BIN2: variants seen among roughly 807,000 people sequenced by gnomAD.
BIN2 encodes the protein breast cancer associated protein BRAP1.
Under a neutral mutation model 67.9 loss-of-function variants are expected in BIN2, and 43 were observed. The ratio of observed to expected loss-of-function variants is 0.63; its 90% CI spans 0.50 to 0.82. BIN2 has a LOEUF of 0.82. Among genes scored for constraint, BIN2 ranks in the 40% least tolerant of loss-of-function variants. BIN2 has a pLI of 0.00. For synonymous variants in BIN2, 244 were observed against 246.8 expected (o/e 0.99, Z 0.11); for missense variants, 581 against 671.6 (o/e 0.87, Z 1.49).
Position 51,291,993 on chromosome 12 carries a change from G to T in BIN2, c.1113C>A (p.Gly371=), listed in dbSNP as rs61749591. 1.2e-6 allele frequency: 2 copies of T among 1,614,180 alleles called. No individual in the cohort carries two copies. The highest frequency in any genetic ancestry group is 1.7e-6 in the Non-Finnish European group (2 of 1,180,014). Residue 371 remains glycine (G), a synonymous_variant, in exon 10 of 13, where the codon GGC becomes GGA. Coordinates refer to ENST00000615107, the MANE Select transcript of BIN2 (RefSeq NM_016293.4). ...VLPSSTTPSP[G]GALSPSGQPS... Reference sequence around the variant, plus strand: ...GCTGCCCTGAAGGGCTCAGGGCTCCGCCTGGTGATGGAGTTGTGGAGCTGG... The same window carrying T: ...GCTGCCCTGAAGGGCTCAGGGCTCCTCCTGGTGATGGAGTTGTGGAGCTGG...
intron 12 of BIN2, among the ~76,000 whole-genome samples, chr12:51,283,350 T>A (rs548993339): frequency 4.6e-5 from 7 of 152,046 alleles, no homozygotes; most frequent in African/African-American, 1.7e-4. Context: ...GGAAGAGGCG[T>A]TGTTATTACC....
intron 11 of BIN2, among the ~76,000 whole-genome samples, chr12:51,285,820 A>C (rs4761991): frequency 0.91 from 137,700 of 151,566 alleles, 64,022 homozygotes; most frequent in East Asian, 1. Flanking sequence ...CTATGTTAGC[A>C]AGGCTGGTCT....
At chr12:51,284,287 G>A (rs2137334122) in intron 12 of BIN2, among the ~76,000 whole-genome samples, 1 of 152,258 alleles carries the variant, frequency 6.6e-6, no homozygotes, top group African/African-American at 2.4e-5. Flanking sequence ...AAAGTAACAT[G>A]CTGTATAGGT....
intron 5 of BIN2, among the ~76,000 whole-genome samples, chr12:51,300,729 A>G (rs1017652316): frequency 4.6e-5 from 7 of 152,226 alleles, no homozygotes; most frequent in Non-Finnish European, 7.3e-5. Flanking sequence ...CCAATTTCCC[A>G]TACAATACCA....
chr12:51,294,412 C>T (rs1183714342), intron 9 of BIN2, among the ~76,000 whole-genome samples: 4 of 151,856 alleles, frequency 2.6e-5, no homozygotes, highest in Non-Finnish European at 4.4e-5. Flanking sequence ...ACTAAAAATA[C>T]AAAAATTAGC....
At chr12:51,283,781 G>A (rs1022624597) in intron 12 of BIN2, among the ~76,000 whole-genome samples, 1 of 152,124 alleles carries the variant, frequency 6.6e-6, no homozygotes, top group African/African-American at 2.4e-5. Flanking sequence ...CATCATCTGA[G>A]GTCGGGAGTT....
At chr12:51,308,949 T>C (rs1237927960) in intron 2 of BIN2, among the ~76,000 whole-genome samples, 1 of 151,724 alleles carries the variant, frequency 6.6e-6, no homozygotes, top group Non-Finnish European at 1.5e-5. Context: ...TGAAACCCCG[T>C]CTCTACTAAA....
At chr12:51,305,871 T>C (rs1291466622) in intron 2 of BIN2, among the ~76,000 whole-genome samples, 1 of 136,896 alleles carries the variant, frequency 7.3e-6, no homozygotes, top group Non-Finnish European at 1.6e-5. Context: ...TCTCGCTCTG[T>C]CGCCCAGGCT....
intron 2 of BIN2, among the ~76,000 whole-genome samples, chr12:51,307,246 G>A (rs1304414116): frequency 6.9e-6 from 1 of 144,004 alleles, no homozygotes; most frequent in Non-Finnish European, 1.5e-5. Context: ...TCGCGACACC[G>A]TACTCTAGCC....
rs1945119064 is a variant in BIN2, at chr12:51,281,496, T to C, written c.*3A>G. 1 of 1,614,064 alleles carries C rather than the reference T, an allele frequency of 6.2e-7. No homozygotes were observed. The highest frequency in any genetic ancestry group is 2.2e-5 in the East Asian group (1 of 44,882). ...GGGCAGGAGGAGTCTTGGTAGTTTC[T>C]CTTCAGAGTTGTGGATTTTCACTTG... On this transcript the variant is annotated 3_prime_UTR_variant, in exon 13 of 13. Coordinates refer to ENST00000615107, the MANE Select transcript of BIN2 (RefSeq NM_016293.4).
Position 51,288,180 on chromosome 12 carries a change from T to A in BIN2, c.1524A>T (p.Ser508=), listed in dbSNP as rs1945289742. The A allele has an allele frequency of 6.2e-7, 1 of 1,613,800 alleles. No individual in the cohort carries two copies. Among genetic ancestry groups the A allele is most frequent in the South Asian group, 1.1e-5 (1 of 91,060 alleles). ...CCATCTTCTTTGCCTCTCCAGGCTC[T>A]GAAGCAACCTGTGAATCAAAGTGAA... is the stretch of plus-strand genomic sequence containing the variant. ...SPTLMTSQVA[S]EPGEAKKMED... is the part of the protein sequence containing the mutation. Residue 508 remains serine (S), a synonymous_variant, in exon 11 of 13, where the codon TCA becomes TCT. Transcript: ENST00000615107.
chr12:51,306,847 A>G (rs1432064329), intron 2 of BIN2, among the ~76,000 whole-genome samples: 1 of 152,222 alleles, frequency 6.6e-6, no homozygotes, highest in Non-Finnish European at 1.5e-5. Flanking sequence ...CATTTATAGA[A>G]AAAAGCTTAG....
rs1945400388 is a variant in BIN2, at chr12:51,292,104, A to G, written c.1002T>C (p.Asp334=). ...EGSEASSSEE[D]EPLPACNGPA... is the part of the protein sequence containing the mutation. ...GGCCATTGCAGGCTGGTAGAGGCTC[A>G]TCTTCCTCAGAGGAGCTTGCTTCAG... The change falls in exon 10 of 13, where the codon GAT becomes GAC. Residue 334 remains aspartate (D), a synonymous_variant. Transcript: ENST00000615107. The G allele has an allele frequency of 2.5e-6, 4 of 1,613,976 alleles. No individual in the cohort carries two copies. In the African/African-American group the frequency reaches 5.3e-5, roughly 22 times the overall value.
intron 2 of BIN2, among the ~76,000 whole-genome samples, chr12:51,312,298 A>C (rs1946016515): frequency 1.3e-5 from 2 of 152,230 alleles, no homozygotes; most frequent in South Asian, 4.1e-4. Flanking sequence ...ACTTCTGCCC[A>C]GCAACTGCCT....
At chr12:51,293,866 TACTC>T (rs1367696590) in intron 9 of BIN2, among the ~76,000 whole-genome samples, 2 of 152,202 alleles carry the variant, frequency 1.3e-5, no homozygotes, top group Non-Finnish European at 2.9e-5. Context: ...TGAGGGCTCT[TACTC>T]ACTGCTGATG....
chr12:51,305,826 CTTTTTTTTTT>C (rs1168899685), intron 2 of BIN2, among the ~76,000 whole-genome samples: 8 of 82,412 alleles, frequency 9.7e-5, no homozygotes, highest in Non-Finnish European at 1.6e-4. Context: ...TGTTTTCTTT[CTTTTTTTTTT>C]TTTTTTTTTT....
chr12:51,291,338 G>A (rs888654064), intron 10 of BIN2, among the ~76,000 whole-genome samples: 3 of 152,158 alleles, frequency 2.0e-5, no homozygotes, highest in Non-Finnish European at 4.4e-5. Context: ...GCCGGGTGCA[G>A]TGGCTCACAT....
At position 51,313,220 on chromosome 12, in the gene BIN2, A is replaced by AAGGAAGGAAGGC. The variant is rs1319737260; in HGVS notation, c.162+602_162+603insGCCTTCCTTCCT. On this transcript the variant is annotated intron_variant, in intron 2 of 12. Transcript: ENST00000615107. ...GAAGGAAGGAAGGAAGGAAGGAAGG[A>AAGGAAGGAAGGC]AGGCAGGAAGGCAGGCAGGCAGGCA... is the stretch of plus-strand genomic sequence containing the variant. Among the ~76,000 whole-genome samples, 735 of 138,162 alleles carry AAGGAAGGAAGGC rather than the reference A, an allele frequency of 5.3e-3. 6 individuals carry two copies. Among genetic ancestry groups the AAGGAAGGAAGGC allele is most frequent in the East Asian group, 9.1e-3 (35 of 3,862 alleles). The allele number at this position is 138,162 out of a possible 152,430, so 90.6% of individuals were successfully genotyped here. A position where few individuals can be genotyped will look rare whatever the true frequency, so the allele number is the denominator to read the frequency against.
chr12:51,286,675 T>C (rs901931474), intron 11 of BIN2, among the ~76,000 whole-genome samples: 1 of 152,200 alleles, frequency 6.6e-6, no homozygotes, highest in Non-Finnish European at 1.5e-5. Flanking sequence ...CTCTTTTCAG[T>C]GCAGAAAAAT....
Sources: gnomAD v4.1 joint callset for allele counts (sites outside exome capture counted in the v4.1 genomes callset) on GRCh38, gnomAD v4.1.1 for gene constraint, MANE v1.5 for transcripts, NCBI Gene and HGNC (gene_info 2026-07-23, HGNC 2026-07-21) for gene names.